The following SLC6A13 variants were observed in gnomAD, a reference collection of about 807,000 sequenced individuals.
The protein encoded by SLC6A13 is sodium- and chloride-dependent GABA transporter 2.
Under a neutral mutation model 72.9 loss-of-function variants are expected in SLC6A13, and 69 were observed. The observed-to-expected ratio is 0.95, with a 90% CI of 0.78 to 1.16. SLC6A13 has a LOEUF of 1.16. SLC6A13 is among the 50% of genes most tolerant of loss of function. SLC6A13 has a pLI of 0.00. For synonymous variants in SLC6A13, 303 were observed against 303.0 expected (o/e 1.00, Z 0.00); for missense variants, 735 against 760.5 (o/e 0.97, Z 0.39).
rs757833883 is a variant in SLC6A13, at chr12:220,940, C to T, written c.*8G>A. ...CAGGCACACAGGCACCATCCAAGGGCCTGCCCCCTAGCAGTGAGACTCTAG... is the reference window on the plus strand; with the variant it reads ...CAGGCACACAGGCACCATCCAAGGGTCTGCCCCCTAGCAGTGAGACTCTAG... On this transcript the variant is annotated 3_prime_UTR_variant, in exon 15 of 15. Coordinates refer to ENST00000343164, the MANE Select transcript of SLC6A13 (RefSeq NM_016615.5). 1.9e-6 allele frequency: 3 copies of T among 1,611,852 alleles called. No individual in the cohort carries two copies. The highest frequency in any genetic ancestry group is 3.3e-5 in the Admixed American group (2 of 59,994).
intron 7 of SLC6A13, among the ~76,000 whole-genome samples, chr12:233,492 A>G (rs557428810): frequency 6.6e-6 from 1 of 152,276 alleles, no homozygotes; most frequent in East Asian, 1.9e-4. Context: ...GGAGACCCGG[A>G]GCCTCTGGAC....
intron 9 of SLC6A13, among the ~76,000 whole-genome samples, chr12:225,069 C>T (rs1405081430): frequency 6.6e-6 from 1 of 152,268 alleles, no homozygotes; most frequent in African/African-American, 2.4e-5. Context: ...ACTACACTGG[C>T]ACTGGTTTCA....
intron 2 of SLC6A13, chr12:259,600 T>G: frequency 1.6e-5 from 23 of 1,416,476 alleles, no homozygotes; most frequent in Non-Finnish European, 2.0e-5. Context: ...GAATCCAAAC[T>G]CTCATCCACC....
At chr12:242,790 G>A (rs758691765) in intron 3 of SLC6A13, 36 bp from the exon 4 acceptor site, 5 of 1,553,690 alleles carry the variant, frequency 3.2e-6, no homozygotes, top group Non-Finnish European at 4.4e-6. Context: ...TAGGAACGGT[G>A]GACAGCGGTG....
intron 2 of SLC6A13, chr12:259,647 G>A (rs530202538): frequency 2.5e-5 from 36 of 1,435,436 alleles, no homozygotes; most frequent in African/African-American, 7.2e-5. Context: ...ACGATGCCAC[G>A]TTATAATAGA....
At chr12:233,466 G>A (rs375922501) in intron 7 of SLC6A13, among the ~76,000 whole-genome samples, 20 of 152,214 alleles carry the variant, frequency 1.3e-4, no homozygotes, top group African/African-American at 4.1e-4. Flanking sequence ...TGCAGACCAC[G>A]AAGGAAGGGT....
At chr12:230,890 T>C (rs1002304634) in intron 7 of SLC6A13, among the ~76,000 whole-genome samples, 10 of 152,208 alleles carry the variant, frequency 6.6e-5, no homozygotes, top group Non-Finnish European at 1.0e-4. Context: ...CTGCTATTAT[T>C]TTAAAAAGCA....
rs187318389 is a variant in SLC6A13, at chr12:220,739, G to C, written c.*209C>G. Reference sequence around the variant, plus strand: ...CCAAGGGTCTCAGAGGGACACTCTTGGCACTGGCCTTTCACATCTGTTCAA... The same window carrying C: ...CCAAGGGTCTCAGAGGGACACTCTTCGCACTGGCCTTTCACATCTGTTCAA... On this transcript the variant is annotated 3_prime_UTR_variant, in exon 15 of 15. Transcript: ENST00000343164. 1.8e-6 allele frequency: 1 copy of C among 564,848 alleles called. No individual in the cohort carries two copies. The highest frequency in any genetic ancestry group is 1.9e-5 in the African/African-American group (1 of 52,104). The allele number at this position is 564,848 out of a possible 1,614,324, so 35.0% of individuals were successfully genotyped here.
chr12:233,506 T>C (rs572545476), intron 7 of SLC6A13, among the ~76,000 whole-genome samples: 6 of 151,974 alleles, frequency 3.9e-5, no homozygotes, highest in Non-Finnish European at 7.4e-5. Context: ...TCTGGACAAC[T>C]GACAGGGAAA....
intron 6 of SLC6A13, among the ~76,000 whole-genome samples, chr12:236,447 G>C (rs750686572): frequency 6.6e-6 from 1 of 152,208 alleles, no homozygotes; most frequent in African/African-American, 2.4e-5. Context: ...TGAAATATTG[G>C]GAGCGGGTTC....
At chr12:239,100 G>T (rs571506507) in intron 4 of SLC6A13, among the ~76,000 whole-genome samples, 9 of 126,282 alleles carry the variant, frequency 7.1e-5, no homozygotes, top group South Asian at 6.6e-4. Context: ...CTGCACACGT[G>T]GGGTGTGTTG....
At chr12:244,079 T>G (rs1270662634) in intron 2 of SLC6A13, among the ~76,000 whole-genome samples, 1 of 152,228 alleles carries the variant, frequency 6.6e-6, no homozygotes, top group Non-Finnish European at 1.5e-5. Context: ...GAACAATTAC[T>G]GCTTAACACA....
At chr12:232,272 C>T (rs574918840) in intron 7 of SLC6A13, among the ~76,000 whole-genome samples, 3 of 152,312 alleles carry the variant, frequency 2.0e-5, no homozygotes, top group East Asian at 1.9e-4. Flanking sequence ...CTCCGGCCTA[C>T]CCGCAGACAA....
chr12:239,351 C>T (rs1006148628), intron 4 of SLC6A13, among the ~76,000 whole-genome samples: 11 of 148,450 alleles, frequency 7.4e-5, no homozygotes, highest in Admixed American at 3.3e-4. Context: ...GGCTCTACCA[C>T]GTCCACCCGG....
chr12:239,341 G>T lies in SLC6A13; in HGVS notation c.479-1331C>A, dbSNP rs1327883593. ...TCCCACACCATTCCCCTCAGCCACC[G>T]GCTCTACCACGTCCACCCGGTTCCC... On this transcript the variant is annotated intron_variant, in intron 4 of 14. Transcript: ENST00000343164. 2.4e-3 allele frequency among the ~76,000 whole-genome samples: 271 copies of T among 112,250 alleles called. 3 individuals carry two copies. Among genetic ancestry groups the T allele is most frequent in the African/African-American group, 7.6e-3 (230 of 30,102 alleles). The allele number at this position is 112,250 out of a possible 152,430, so 73.6% of individuals were successfully genotyped here.
intron 11 of SLC6A13, 173 bp downstream of exon 11, chr12:223,819 A>G: frequency 1.5e-6 from 1 of 680,924 alleles, no homozygotes; most frequent in South Asian, 1.9e-5. Flanking sequence ...CAAAGGCCAG[A>G]GGAGGGACCT....
rs778621921 is a variant in SLC6A13 at position 259,966 on chromosome 12, G to T, written c.87C>A (p.Thr29=). ...PVMEKKEEDG[T]LERGHWNNKM... The stretch of plus-strand genomic sequence containing the variant: ...TGTTGTTCCAGTGCCCCCGCTCCAG[G>T]GTGCCATCTTCCTCCTTCTTTTCCA... The change falls in exon 2 of 15, where the codon ACC becomes ACA. Residue 29 remains threonine, a synonymous_variant. Coordinates refer to ENST00000343164, the MANE Select transcript of SLC6A13 (RefSeq NM_016615.5). 1 of 1,614,112 alleles carries T rather than the reference G, an allele frequency of 6.2e-7. No individual in the cohort carries two copies. Among genetic ancestry groups the T allele is most frequent in the Non-Finnish European group, 8.5e-7 (1 of 1,180,014 alleles).
intron 13 of SLC6A13, 31 bp from the exon 14 acceptor site, chr12:221,577 G>A: frequency 6.9e-7 from 1 of 1,443,730 alleles, no homozygotes; most frequent in Non-Finnish European, 9.4e-7. Context: ...GAAAGGGGTT[G>A]GGGGGCGGGG....
chr12:245,780 C>T (rs745746528), intron 2 of SLC6A13, among the ~76,000 whole-genome samples: 20 of 152,116 alleles, frequency 1.3e-4, no homozygotes, highest in African/African-American at 4.1e-4. Flanking sequence ...GTCAAGAGAT[C>T]GAGACCATCC....
Sources: gnomAD v4.1 joint callset for allele counts (sites outside exome capture counted in the v4.1 genomes callset) on GRCh38, gnomAD v4.1.1 for gene constraint, MANE v1.5 for transcripts, NCBI Gene and HGNC (gene_info 2026-07-23, HGNC 2026-07-21) for gene names.